The following CDKAL1 variants were observed in gnomAD, a reference collection of about 807,000 sequenced individuals.
CDKAL1 encodes the protein CDKAL1 threonylcarbamoyladenosine tRNA methylthiotransferase, also known as threonylcarbamoyladenosine tRNA methylthiotransferase.
A neutral mutation model predicts 68.2 loss-of-function variants in CDKAL1; 32 were observed. The observed-to-expected ratio is 0.47, with a 90% CI of 0.35 to 0.63. The LOEUF is 0.63. CDKAL1 is among the 30% of genes least tolerant of loss of function. The pLI is 0.00. For missense variants in CDKAL1, 606 were observed against 696.7 expected (o/e 0.87, Z 1.47); for synonymous variants, 234 against 244.3 (o/e 0.96, Z 0.39).
chr6:20,784,412 C>CT (rs1175015329), intron 8 of CDKAL1, among the ~76,000 whole-genome samples: 491 of 33,414 alleles, frequency 0.015, 208 homozygotes, highest in African/African-American at 0.052. Context: ...TATTTTATTT[C>CT]TTTTTTTTTT....
chr6:20,641,539 T>C (rs188888011), intron 4 of CDKAL1, among the ~76,000 whole-genome samples: 1 of 152,382 alleles, frequency 6.6e-6, no homozygotes, highest in East Asian at 1.9e-4. Flanking sequence ...CTATCCATTT[T>C]CTTTGCTTAG....
chr6:20,658,380 T>C (rs1769126887), intron 5 of CDKAL1, among the ~76,000 whole-genome samples: 1 of 152,202 alleles, frequency 6.6e-6, no homozygotes, highest in African/African-American at 2.4e-5. Flanking sequence ...CTTAGGTATC[T>C]GAATGTAATT....
At chr6:20,713,280 G>C (rs1771933825) in intron 5 of CDKAL1, among the ~76,000 whole-genome samples, 3 of 151,936 alleles carry the variant, frequency 2.0e-5, no homozygotes, top group Admixed American at 2.0e-4. Context: ...CACTAACAAG[G>C]GTTTTTTTCT....
chr6:20,586,322 T>C (rs1765353253), intron 4 of CDKAL1, among the ~76,000 whole-genome samples: 2 of 152,184 alleles, frequency 1.3e-5, no homozygotes, highest in Admixed American at 1.3e-4. Flanking sequence ...CAATGCTGTC[T>C]AGTACAACTT....
chr6:20,988,695 G>T (rs557049573), intron 10 of CDKAL1, among the ~76,000 whole-genome samples: 1 of 152,076 alleles, frequency 6.6e-6, no homozygotes, highest in South Asian at 2.1e-4. Context: ...CTGTCGCCAG[G>T]CTGGAGTGCA....
chr6:20,915,773 G>A (rs1333914176), intron 9 of CDKAL1, among the ~76,000 whole-genome samples: 1 of 152,104 alleles, frequency 6.6e-6, no homozygotes, highest in Non-Finnish European at 1.5e-5. Flanking sequence ...AGCTTTATTT[G>A]TAATAGCCTC....
At chr6:20,980,301 G>A (rs926496144) in intron 10 of CDKAL1, among the ~76,000 whole-genome samples, 4 of 151,900 alleles carry the variant, frequency 2.6e-5, no homozygotes, top group Admixed American at 6.6e-5. Flanking sequence ...GCAGTGGCGC[G>A]ATCTCGGCTC....
At chr6:20,749,891 A>G (rs1252428929) in intron 6 of CDKAL1, among the ~76,000 whole-genome samples, 3 of 151,876 alleles carry the variant, frequency 2.0e-5, no homozygotes, top group African/African-American at 7.3e-5. Flanking sequence ...TTTTAAATAA[A>G]GACGGGGTCT....
At chr6:21,072,614 G>C (rs150071514) in intron 12 of CDKAL1, among the ~76,000 whole-genome samples, 2 of 130,818 alleles carry the variant, frequency 1.5e-5, no homozygotes, top group South Asian at 4.9e-4. Context: ...TCTTCTAAAC[G>C]TAGCCTGTTA....
intron 13 of CDKAL1, among the ~76,000 whole-genome samples, chr6:21,119,134 C>T (rs775064448): frequency 2.6e-5 from 4 of 152,164 alleles, no homozygotes; most frequent in Non-Finnish European, 4.4e-5. Context: ...CTGCTCCTTT[C>T]CTCCCCTCCC....
chr6:20,944,545 A>C (rs1224202264), intron 9 of CDKAL1, among the ~76,000 whole-genome samples: 1 of 152,120 alleles, frequency 6.6e-6, no homozygotes, highest in South Asian at 2.1e-4. Context: ...CAGGGTTTCC[A>C]TGTTGGCCAG....
chr6:21,167,662 G>A (rs1241985708), intron 13 of CDKAL1, among the ~76,000 whole-genome samples: 1 of 152,160 alleles, frequency 6.6e-6, no homozygotes, highest in Admixed American at 6.5e-5. Context: ...CTACTGCAAA[G>A]CTTGTAAACT....
intron 13 of CDKAL1, among the ~76,000 whole-genome samples, chr6:21,191,996 T>C (rs1490270813): frequency 2.3e-5 from 1 of 43,522 alleles, no homozygotes; most frequent in African/African-American, 1.0e-4. Context: ...ATTTTTCTTT[T>C]TTTTTTTTTT....
At chr6:20,810,935 G>A (rs1054147123) in intron 8 of CDKAL1, among the ~76,000 whole-genome samples, 1 of 152,028 alleles carries the variant, frequency 6.6e-6, no homozygotes, top group Non-Finnish European at 1.5e-5. Flanking sequence ...CTTTGGGTCT[G>A]TGCCACCACA....
chr6:21,140,903 C>T (rs2151034097), intron 13 of CDKAL1, among the ~76,000 whole-genome samples: 1 of 152,264 alleles, frequency 6.6e-6, no homozygotes, highest in African/African-American at 2.4e-5. Context: ...GCAAAAGGCA[C>T]TTCTTACATG....
intron 13 of CDKAL1, among the ~76,000 whole-genome samples, chr6:21,122,433 T>C (rs1774771171): frequency 2.0e-5 from 3 of 152,184 alleles, no homozygotes; most frequent in South Asian, 4.1e-4. Context: ...TCTTTATTAC[T>C]TCACAGAGTC....
chr6:21,160,151 G>A (rs7739578), intron 13 of CDKAL1, among the ~76,000 whole-genome samples: 51,319 of 151,924 alleles, frequency 0.34, 9,026 homozygotes, highest in African/African-American at 0.43. Flanking sequence ...TTGCAGACCC[G>A]CTTTAAGTCA....
intron 10 of CDKAL1, among the ~76,000 whole-genome samples, chr6:20,959,707 A>G (rs1287032087): frequency 6.6e-6 from 1 of 152,206 alleles, no homozygotes; most frequent in Non-Finnish European, 1.5e-5. Context: ...TGTAGTGGCA[A>G]ATAAGATGTA....
intron 6 of CDKAL1, chr6:20,756,555 C>T (rs911635041): frequency 6.6e-6 from 1 of 152,174 alleles, no homozygotes; most frequent in Non-Finnish European, 1.5e-5. Context: ...ATAATAAAAC[C>T]AGGGCCTAAT....
Sources: allele counts gnomAD v4.1 joint callset (sites outside exome capture counted in the v4.1 genomes callset), GRCh38; gene constraint gnomAD v4.1.1; transcripts MANE v1.5; gene names NCBI Gene and HGNC (gene_info 2026-07-23, HGNC 2026-07-21).